Variants in HDAC8 observed in about 807,000 individuals in gnomAD.
The protein encoded by HDAC8 is histone deacetylase-like 1.
A neutral mutation model predicts 32.2 loss-of-function variants in HDAC8; 1 was observed. The observed-to-expected ratio is 0.03, with a 90% confidence interval of 0.01 to 0.15. The LOEUF is 0.15. Ranked by LOEUF, HDAC8 falls within the 10% of genes least tolerant of loss-of-function variation. HDAC8 has a pLI of 1.00. For synonymous variants in HDAC8, 108 were observed against 113.9 expected (o/e 0.95, Z 0.33); for missense variants, 117 against 300.0 (o/e 0.39, Z 4.51).
chrX:72,452,944 T>TA (rs1343923740), intron 9 of HDAC8, among the ~76,000 whole-genome samples: 1 of 109,778 alleles, frequency 9.1e-6, no homozygotes, highest in African/African-American at 3.3e-5. Context: ...CTTAAGGAGG[T>TA]AAAAAAAATA....
intron 10 of HDAC8, among the ~76,000 whole-genome samples, chrX:72,348,403 A>G (rs1362513668): frequency 8.9e-6 from 1 of 112,240 alleles, no homozygotes; most frequent in African/African-American, 3.2e-5. Flanking sequence ...GAATTCAGAA[A>G]ATTCAGCAGC....
At chrX:72,479,046 G>A (rs1439198141) in intron 7 of HDAC8, among the ~76,000 whole-genome samples, 1 of 111,580 alleles carries the variant, frequency 9.0e-6, no homozygotes, top group Non-Finnish European at 1.9e-5. Context: ...TCCAGCCAAC[G>A]TAACATCAGG....
chrX:72,353,619 A>G (rs1358438203), intron 9 of HDAC8, among the ~76,000 whole-genome samples: 2 of 111,820 alleles, frequency 1.8e-5, no homozygotes, highest in African/African-American at 6.5e-5. Flanking sequence ...CCCTCAGTCC[A>G]AGTTTGAGGA....
At chrX:72,368,647 G>T (rs1342673627) in intron 9 of HDAC8, among the ~76,000 whole-genome samples, 3 of 112,288 alleles carry the variant, frequency 2.7e-5, no homozygotes, top group Non-Finnish European at 5.6e-5. Context: ...AAGCCACCAC[G>T]CCTGGCCATC....
intron 9 of HDAC8, among the ~76,000 whole-genome samples, chrX:72,396,613 G>A (rs1357150577): frequency 4.5e-5 from 5 of 111,635 alleles, no homozygotes; most frequent in African/African-American, 6.5e-5. Context: ...GTGGGGAGGA[G>A]AGTGGGGAGA....
chrX:72,414,980 G>T (rs1286518991), intron 9 of HDAC8, among the ~76,000 whole-genome samples: 1 of 111,976 alleles, frequency 8.9e-6, no homozygotes, highest in Non-Finnish European at 1.9e-5. Flanking sequence ...TCAGACTATT[G>T]TTCGGTTACC....
At chrX:72,407,770 G>C (rs1403174471) in intron 9 of HDAC8, among the ~76,000 whole-genome samples, 1 of 112,206 alleles carries the variant, frequency 8.9e-6, no homozygotes, top group African/African-American at 3.2e-5. Flanking sequence ...GAATAAATGT[G>C]TATTGCCTTG....
chrX:72,339,209 G>A (rs781866855), intron 10 of HDAC8, among the ~76,000 whole-genome samples: 1 of 111,567 alleles, frequency 9.0e-6, no homozygotes, highest in East Asian at 2.8e-4. Flanking sequence ...CTCTCATCCA[G>A]CTATCCAGCT....
chrX:72,448,770 A>G (rs1166366221), intron 9 of HDAC8, among the ~76,000 whole-genome samples: 1 of 112,669 alleles, frequency 8.9e-6, no homozygotes, highest in Non-Finnish European at 1.9e-5. Flanking sequence ...TAGGTGAAGG[A>G]TATGAACCGA....
intron 10 of HDAC8, among the ~76,000 whole-genome samples, chrX:72,338,114 G>A (rs193184267): frequency 4.8e-3 from 531 of 111,534 alleles, no homozygotes; most frequent in Non-Finnish European, 7.9e-3. Context: ...TCCACTTAGC[G>A]CACAGAAAAC....
At chrX:72,453,460 A>AAAAT (rs557551895) in intron 9 of HDAC8, among the ~76,000 whole-genome samples, 40 of 43,489 alleles carry the variant, frequency 9.2e-4, no homozygotes, top group East Asian at 2.0e-3. Context: ...CTGTCTCTTA[A>AAAAT]AAATAAAGAA....
chrX:72,520,038 C>T (rs1302988727), intron 4 of HDAC8, among the ~76,000 whole-genome samples: 1 of 111,905 alleles, frequency 8.9e-6, no homozygotes, highest in Non-Finnish European at 1.9e-5. Context: ...ACATTTTTTC[C>T]TAGTCTGTAG....
chrX:72,467,931 G>T, intron 7 of HDAC8: 1 of 1,168,170 alleles, frequency 8.6e-7, no homozygotes, highest in Non-Finnish European at 1.1e-6. Context: ...GATAAAGGCA[G>T]GCAGGTGTTT....
At chrX:72,446,474 G>T (rs1396183242) in intron 9 of HDAC8, among the ~76,000 whole-genome samples, 2 of 109,804 alleles carry the variant, frequency 1.8e-5, no homozygotes, top group Non-Finnish European at 3.8e-5. Flanking sequence ...TCATAGGTGG[G>T]AATTGAACAA....
intron 4 of HDAC8, among the ~76,000 whole-genome samples, chrX:72,537,842 A>T (rs1225095523): frequency 8.9e-6 from 1 of 112,159 alleles, no homozygotes; most frequent in Non-Finnish European, 1.9e-5. Context: ...AGAAGAGTTT[A>T]AAGAGCCATT....
intron 4 of HDAC8, among the ~76,000 whole-genome samples, chrX:72,534,848 T>G (rs2050471514): frequency 8.9e-6 from 1 of 111,967 alleles, no homozygotes; most frequent in Non-Finnish European, 1.9e-5. Flanking sequence ...AAGATGCCCT[T>G]TAGAAATTTA....
At chrX:72,442,324 A>G (rs782597375) in intron 9 of HDAC8, among the ~76,000 whole-genome samples, 1 of 111,940 alleles carries the variant, frequency 8.9e-6, no homozygotes, top group Non-Finnish European at 1.9e-5. Context: ...CCATCAGACT[A>G]ACAGCGGATC....
At chrX:72,384,584 A>G (rs2045366563) in intron 9 of HDAC8, among the ~76,000 whole-genome samples, 1 of 111,908 alleles carries the variant, frequency 8.9e-6, no homozygotes, top group Non-Finnish European at 1.9e-5. Flanking sequence ...TGCCCGCCCT[A>G]ACTTTGGAGG....
At chrX:72,562,824 A>G (rs1266402501) in intron 4 of HDAC8, among the ~76,000 whole-genome samples, 2 of 110,275 alleles carry the variant, frequency 1.8e-5, no homozygotes, top group Non-Finnish European at 3.8e-5. Flanking sequence ...TTTTTTCTTC[A>G]TATGTTTTAC....
Sources: allele counts gnomAD v4.1 joint callset (sites outside exome capture counted in the v4.1 genomes callset), GRCh38; gene constraint gnomAD v4.1.1; transcripts MANE v1.5; gene names NCBI Gene and HGNC (gene_info 2026-07-23, HGNC 2026-07-21).